CROCC2: variants seen among roughly 807,000 people sequenced by gnomAD.
CROCC2 encodes ciliary rootlet coiled-coil protein 2.
In CROCC2, 163 loss-of-function variants were observed where a neutral mutation model predicts 177.6. That is an observed-to-expected ratio of 0.92 (90% CI 0.81 to 1.05). CROCC2 has a LOEUF of 1.05. Among genes scored for constraint, CROCC2 ranks in the 50% least tolerant of loss-of-function variants. The pLI, the probability that CROCC2 is intolerant of heterozygous loss-of-function variation, is 0.00. For missense variants in CROCC2, 1,929 were observed against 1,797.8 expected (o/e 1.07, Z -1.32); for synonymous variants, 904 against 787.3 (o/e 1.15, Z -2.48).
chr2:240,912,371 G>A (rs751158686), intron 1 of CROCC2, among the ~76,000 whole-genome samples: 2 of 152,194 alleles, frequency 1.3e-5, no homozygotes, highest in Admixed American at 6.5e-5. Flanking sequence ...TGGGCCTCCC[G>A]TATTCTGTCT....
intron 25 of CROCC2, among the ~76,000 whole-genome samples, 178 bp from the exon 26 acceptor site, chr2:240,967,165 AGT>A (rs1274960869): frequency 6.6e-6 from 1 of 151,930 alleles, no homozygotes; most frequent in African/African-American, 2.4e-5. Flanking sequence ...GCAGCTTCCC[AGT>A]GTGATCACCT....
chr2:240,992,899 A>C (rs1214131318), intron 31 of CROCC2, among the ~76,000 whole-genome samples, 167 bp from the exon 32 acceptor site: 1 of 152,162 alleles, frequency 6.6e-6, no homozygotes, highest in East Asian at 1.9e-4. Context: ...TCTGCAGCCC[A>C]GCAGAAGGGC....
chr2:240,962,073 C>CTCACAT (rs1491162825), intron 20 of CROCC2, among the ~76,000 whole-genome samples: 1 of 111,898 alleles, frequency 8.9e-6, no homozygotes, highest in African/African-American at 3.6e-5. Flanking sequence ...CTCACACGCA[C>CTCACAT]TCACACTCAC....
intron 20 of CROCC2, 93 bp from the exon 21 acceptor site, chr2:240,963,463 C>T (rs2059656399): frequency 3.0e-6 from 4 of 1,318,796 alleles, no homozygotes; most frequent in South Asian, 1.5e-5. Context: ...GGCACCTGTG[C>T]CTGCCACACC....
In CROCC2 at chr2:240,949,617, C is replaced by T. The variant is rs2059541807; in HGVS notation, c.2567C>T (p.Ala856Val). 1.3e-6 allele frequency: 2 copies of T among 1,550,364 alleles called. No homozygotes were observed. The highest frequency in any genetic ancestry group is 2.4e-5 in the South Asian group (2 of 84,050). ...QDTVRLQRQV[A>V]QQEREAQRAL... ...ACGGTGCGGCTCCAGCGACAGGTGG[C>T]ACAGCAGGAGCGGGAGGCACAGCGG... The change falls in exon 17 of 32, where the codon GCA (alanine) becomes GTA (valine). Residue 856 changes from alanine to valine, a missense_variant. By Grantham distance (64) the Ala-to-Val change is moderately conservative. This residue lies in a region of CROCC2 where 1,397 missense variants were observed against 1,239.9 expected (regional missense o/e 1.13). Coordinates refer to ENST00000690015, the MANE Select transcript of CROCC2 (RefSeq NM_001351305.2). This position sits in a 1 kb window ranked among gnomAD's most constrained non-coding sequence, Gnocchi z 4.5.
chr2:240,957,912 A>C, intron 19 of CROCC2: 1 of 944,068 alleles, frequency 1.1e-6, no homozygotes, highest in Non-Finnish European at 1.3e-6. Context: ...GCAGGGACCC[A>C]GGAAAGCCCT....
chr2:240,920,457 G>C lies in CROCC2; in HGVS notation c.381+323G>C, dbSNP rs562313544. Among the ~76,000 whole-genome samples, 27 of 152,246 alleles carry C rather than the reference G, an allele frequency of 1.8e-4. No individual in the cohort carries two copies. In the South Asian group the frequency reaches 4.8e-3, roughly 27 times the overall value. On this transcript the variant is annotated intron_variant, in intron 3 of 31. Coordinates refer to ENST00000690015, the MANE Select transcript of CROCC2 (RefSeq NM_001351305.2). ...ACCTGCCCGGGAGCCCTGTGGGGTG[G>C]CCTGGCCAGTCCTGACTCGCGGGGC...
chr2:240,968,212 G>A lies in CROCC2; in HGVS notation c.4351G>A (p.Glu1451Lys), dbSNP rs747385645. The stretch of plus-strand genomic sequence containing the variant: ...GGAGGCGCTCCGCAGGCTGGAGTTG[G>A]AGCACCTGGCGAGCGTGCGTGCGGC... Reference protein sequence around the residue: ...QKEALRRLELEHLASVRAAGQ... With the variant: ...QKEALRRLELKHLASVRAAGQ... Residue 1451 changes from glutamate (E) to lysine (K), a missense_variant, in exon 27 of 32, where the codon GAG (glutamate) becomes AAG (lysine). Around this residue, in one of 3 missense-constraint regions of CROCC2, gnomAD observed 388 missense variants for 352.7 expected, o/e 1.10. Coordinates refer to ENST00000690015, the MANE Select transcript of CROCC2 (RefSeq NM_001351305.2). The A allele has an allele frequency of 1.3e-6, 2 of 1,533,360 alleles. No individual in the cohort carries two copies. The highest frequency in any genetic ancestry group is 2.4e-5 in the South Asian group (2 of 83,864). The allele number at this position is 1,533,360 out of a possible 1,614,324, so 95.0% of individuals were successfully genotyped here. A position where few individuals can be genotyped will look rare whatever the true frequency, so the allele number is the denominator to read the frequency against.
At chr2:240,931,329 C>A (rs1308791110) in intron 7 of CROCC2, among the ~76,000 whole-genome samples, 1 of 152,222 alleles carries the variant, frequency 6.6e-6, no homozygotes, top group Non-Finnish European at 1.5e-5. Context: ...AGGAGGCAGA[C>A]ACTGGGGTCT....
At position 240,926,098 on chromosome 2, in the gene CROCC2, G is replaced by T. The variant is rs537292285; in HGVS notation, c.645+218G>T. Among the ~76,000 whole-genome samples, 138 of 152,306 alleles carry T rather than the reference G, an allele frequency of 9.1e-4. 1 individual carries two copies. Among genetic ancestry groups the T allele is most frequent in the African/African-American group, 3.2e-3 (134 of 41,572 alleles). Reference sequence around the variant, plus strand: ...GGTCCACCCCTACTGCCCCCCACCCGGAGAAGGAGGGCAGGGATCTCAGAA... The same window carrying T: ...GGTCCACCCCTACTGCCCCCCACCCTGAGAAGGAGGGCAGGGATCTCAGAA... On this transcript the variant is annotated intron_variant, in intron 5 of 31. Coordinates refer to ENST00000690015, the MANE Select transcript of CROCC2 (RefSeq NM_001351305.2).
chr2:240,938,756 T>G (rs2059482515), intron 14 of CROCC2, among the ~76,000 whole-genome samples: 1 of 152,238 alleles, frequency 6.6e-6, no homozygotes, highest in Non-Finnish European at 1.5e-5. Flanking sequence ...GTTTGTAGTT[T>G]TCAATGTAGA....
intron 21 of CROCC2, 188 bp downstream of exon 21, chr2:240,963,961 C>G: frequency 1.6e-6 from 1 of 632,910 alleles, no homozygotes; most frequent in South Asian, 1.9e-5. Context: ...CTGGCCAGTG[C>G]GAGGGATGGC....
chr2:240,969,035 C>T (rs1559186661), intron 27 of CROCC2, among the ~76,000 whole-genome samples: 1 of 152,242 alleles, frequency 6.6e-6, no homozygotes, highest in South Asian at 2.1e-4. Flanking sequence ...CAGAGAACAG[C>T]GTGCCTGGCT....
At chr2:240,959,278 C>T (rs893756408) in intron 19 of CROCC2, 23 bp from the exon 20 acceptor site, 16 of 1,548,450 alleles carry the variant, frequency 1.0e-5, no homozygotes, top group Middle Eastern at 1.7e-4. Context: ...CTGGTGCCAC[C>T]GTGGGCTCCC....
chr2:240,949,205 C>A lies in CROCC2; in HGVS notation c.2482+108C>A. The A allele has an allele frequency of 6.9e-7, 1 of 1,441,776 alleles. No individual in the cohort carries two copies. The highest frequency in any genetic ancestry group is 2.6e-4 in the Middle Eastern group (1 of 3,900). The allele number at this position is 1,441,776 out of a possible 1,614,324, so 89.3% of individuals were successfully genotyped here. A position where few individuals can be genotyped will look rare whatever the true frequency, so the allele number is the denominator to read the frequency against. On this transcript the variant is annotated intron_variant, in intron 16 of 31. Transcript: ENST00000690015. This position sits in a 1 kb window ranked among gnomAD's most constrained non-coding sequence, Gnocchi z 4.5. ...TGCTGCACCCCCTCTCCGGAGCCCA[C>A]AGGGGCATGAACATGAGCTTGGAGC...
chr2:240,964,721 GC>G lies in CROCC2; in HGVS notation c.3465+98del. 3 of 1,409,890 alleles carry G rather than the reference GC, an allele frequency of 2.1e-6. No homozygotes were observed. In the East Asian group the frequency reaches 7.5e-5, roughly 35 times the overall value. The allele number at this position is 1,409,890 out of a possible 1,614,324, so 87.3% of individuals were successfully genotyped here. A position where few individuals can be genotyped will look rare whatever the true frequency, so the allele number is the denominator to read the frequency against. ...GGGAGCCCCCAGCCCTGGCCTTGCT[GC>G]CGCCTTTGAACCACTCTGTCCCCAG... On this transcript the variant is annotated intron_variant, in intron 22 of 31. Coordinates refer to ENST00000690015, the MANE Select transcript of CROCC2 (RefSeq NM_001351305.2).
At chr2:240,947,472 G>A (rs144022383) in intron 15 of CROCC2, among the ~76,000 whole-genome samples, 157 of 152,310 alleles carry the variant, frequency 1.0e-3, no homozygotes, top group African/African-American at 3.7e-3. Flanking sequence ...AGCATCACAG[G>A]CCACTGAACA....
intron 23 of CROCC2, 41 bp from the exon 24 acceptor site, chr2:240,965,595 T>C: frequency 6.5e-7 from 1 of 1,549,704 alleles, no homozygotes; most frequent in Admixed American, 2.0e-5. Flanking sequence ...CCCCACTTCC[T>C]CACTGTCTCC....
chr2:240,983,634 C>A (rs1264970536), intron 28 of CROCC2: 1 of 1,283,082 alleles, frequency 7.8e-7, no homozygotes, highest in South Asian at 1.2e-5. Flanking sequence ...CTGGGGTCCG[C>A]AGGGGCGCGG....
Sources: allele counts gnomAD v4.1 joint callset (sites outside exome capture counted in the v4.1 genomes callset), GRCh38; gene constraint gnomAD v4.1.1; regional missense constraint gnomAD v4.1.1; non-coding constraint Gnocchi (gnomAD v3.1); transcripts MANE v1.5; gene names NCBI Gene and HGNC (gene_info 2026-07-23, HGNC 2026-07-21).